SLC6A11: variants seen among roughly 807,000 people sequenced by gnomAD.
The protein encoded by SLC6A11 is solute carrier family 6 member 11.
Under a neutral mutation model 74.8 loss-of-function variants are expected in SLC6A11, and 25 were observed. The observed-to-expected ratio is 0.33, with a 90% confidence interval of 0.24 to 0.47. The LOEUF (loss-of-function observed/expected upper bound fraction) is 0.47, where lower values mean the gene tolerates loss of function less well. Ranked by LOEUF, SLC6A11 falls within the 20% of genes least tolerant of loss-of-function variation. SLC6A11 has a pLI of 1.00. For missense variants in SLC6A11, 574 were observed against 837.0 expected, an observed-to-expected ratio of 0.69 and a Z score of 3.88; for synonymous variants, 330 against 330.2, an observed-to-expected ratio of 1.00 and a Z score of 0.01.
At chr3:10,829,487 G>A (rs1376527922) in intron 4 of SLC6A11, among the ~76,000 whole-genome samples, 1 of 152,190 alleles carries the variant, frequency 6.6e-6, no homozygotes, top group Non-Finnish European at 1.5e-5. Context: ...TGCATGCTGT[G>A]TAGCAACATC....
intron 4 of SLC6A11, chr3:10,823,666 AC>A (rs774722980): frequency 2.8e-6 from 1 of 363,590 alleles, no homozygotes; most frequent in Non-Finnish European, 5.1e-6. Context: ...GAAAGGATAG[AC>A]AGTTTAAAAA....
chr3:10,918,762 C>T lies in SLC6A11; in HGVS notation c.1120+309C>T, dbSNP rs569688151. Among the ~76,000 whole-genome samples, 2 of 152,306 alleles carry T rather than the reference C, an allele frequency of 1.3e-5. No individual in the cohort carries two copies. The highest frequency in any genetic ancestry group is 4.8e-5 in the African/African-American group (2 of 41,550). On this transcript the variant is annotated intron_variant, in intron 8 of 13. Coordinates refer to ENST00000254488, the MANE Select transcript of SLC6A11 (RefSeq NM_014229.3). This position sits in a 1 kb window ranked among gnomAD's most constrained non-coding sequence, Gnocchi z 4.5. The stretch of plus-strand genomic sequence containing the variant: ...ACCATCACTGCTCACCTGGATGGCT[C>T]AGAAACCTTTCCCTGGACTCTGTGC...
chr3:10,919,706 G>A (rs990866024), intron 8 of SLC6A11, among the ~76,000 whole-genome samples: 4 of 152,224 alleles, frequency 2.6e-5, no homozygotes, highest in South Asian at 2.1e-4. Flanking sequence ...CAGAGGATAC[G>A]AGTATGATCA....
chr3:10,935,354 G>GGCCA (rs1695747487), intron 13 of SLC6A11, 155 bp downstream of exon 13: 2 of 662,086 alleles, frequency 3.0e-6, no homozygotes, highest in East Asian at 5.4e-5. Flanking sequence ...CAGTATCATG[G>GGCCA]TTGTGCCCAA....
At chr3:10,902,453 G>A (rs891878034) in intron 6 of SLC6A11, among the ~76,000 whole-genome samples, 2 of 152,228 alleles carry the variant, frequency 1.3e-5, no homozygotes, top group Non-Finnish European at 2.9e-5. Flanking sequence ...TGGAAATGAC[G>A]TGGGTGCTTG....
chr3:10,850,812 G>A (rs2106589453), intron 5 of SLC6A11, among the ~76,000 whole-genome samples: 1 of 152,294 alleles, frequency 6.6e-6, no homozygotes, highest in East Asian at 1.9e-4. Flanking sequence ...CAAGCTGGCT[G>A]TGGCTGCTTG....
intron 5 of SLC6A11, among the ~76,000 whole-genome samples, chr3:10,849,197 C>G (rs1471137418): frequency 6.6e-6 from 1 of 152,160 alleles, no homozygotes; most frequent in Non-Finnish European, 1.5e-5. Context: ...TATATTAAGT[C>G]CTGAGAAAAC....
At chr3:10,904,143 C>G (rs574289822) in intron 6 of SLC6A11, among the ~76,000 whole-genome samples, 2 of 152,320 alleles carry the variant, frequency 1.3e-5, no homozygotes, top group South Asian at 4.1e-4. Context: ...TGCTGAGTAT[C>G]CATCATGATG....
chr3:10,907,141 A>C (rs1695314210), intron 6 of SLC6A11, among the ~76,000 whole-genome samples: 1 of 152,240 alleles, frequency 6.6e-6, no homozygotes, highest in South Asian at 2.1e-4. Context: ...ATAATAAACC[A>C]ATAGACACTA....
chr3:10,886,807 CAAAAAA>C (rs200743729), intron 6 of SLC6A11, among the ~76,000 whole-genome samples: 3 of 101,194 alleles, frequency 3.0e-5, no homozygotes, highest in South Asian at 3.2e-4. Flanking sequence ...GACTCCATCT[CAAAAAA>C]AAAAAAAAAA....
chr3:10,849,794 CAAAAAAAAAA>C (rs56099322), intron 5 of SLC6A11, among the ~76,000 whole-genome samples: 22 of 87,248 alleles, frequency 2.5e-4, no homozygotes, highest in African/African-American at 7.8e-4. Context: ...TTGTTGAAGC[CAAAAAAAAAA>C]AAAAAAAAAA....
chr3:10,845,664 C>G (rs1466388713), intron 5 of SLC6A11, among the ~76,000 whole-genome samples: 1 of 152,110 alleles, frequency 6.6e-6, no homozygotes, highest in Non-Finnish European at 1.5e-5. Flanking sequence ...CCAAGGTGCT[C>G]CATGCTACGG....
chr3:10,835,346 A>T (rs964517414), intron 4 of SLC6A11, among the ~76,000 whole-genome samples: 6 of 152,282 alleles, frequency 3.9e-5, no homozygotes, highest in South Asian at 2.1e-4. Flanking sequence ...CCTTCCCACC[A>T]CGTGGGATCC....
At chr3:10,871,266 A>G (rs1458121606) in intron 5 of SLC6A11, among the ~76,000 whole-genome samples, 1 of 152,204 alleles carries the variant, frequency 6.6e-6, no homozygotes, top group Non-Finnish European at 1.5e-5. Context: ...TAATCACATC[A>G]AAGTGGCCCC....
At chr3:10,897,307 A>G (rs1575693756) in intron 6 of SLC6A11, among the ~76,000 whole-genome samples, 2 of 152,316 alleles carry the variant, frequency 1.3e-5, no homozygotes, top group South Asian at 2.1e-4. Context: ...ACAGTCCCCC[A>G]AAGTCTTATT....
In SLC6A11 at chr3:10,816,261, C is replaced by G; in HGVS notation, c.-5C>G. ...GGGCCGGCGCACGAGGCAGCCAGCG[C>G]GGCCATGACGGCGGAGAAGGCGCTG... On this transcript the variant is annotated 5_prime_UTR_variant, in exon 1 of 14. Coordinates refer to ENST00000254488, the MANE Select transcript of SLC6A11 (RefSeq NM_014229.3). This position sits in a 1 kb window ranked among gnomAD's most constrained non-coding sequence, Gnocchi z 4.2. 7.5e-7 allele frequency: 1 copy of G among 1,325,630 alleles called. No homozygotes were observed. Among genetic ancestry groups the G allele is most frequent in the Non-Finnish European group, 9.6e-7 (1 of 1,039,932 alleles). The allele number at this position is 1,325,630 out of a possible 1,614,324, so 82.1% of individuals were successfully genotyped here.
intron 11 of SLC6A11, among the ~76,000 whole-genome samples, chr3:10,933,608 C>A (rs776539928): frequency 1.1e-4 from 17 of 152,208 alleles, no homozygotes; most frequent in Non-Finnish European, 2.4e-4. Flanking sequence ...AGACAACCAC[C>A]TCAGGTCCTC....
Position 10,935,164 on chromosome 3 carries a change from A to G in SLC6A11, c.1711A>G (p.Ile571Val), listed in dbSNP as rs761618030. The G allele has an allele frequency of 2.5e-6, 4 of 1,614,226 alleles. No individual in the cohort carries two copies. Among genetic ancestry groups the G allele is most frequent in the East Asian group, 2.2e-5 (1 of 44,886 alleles). The change falls in exon 13 of 14, where the codon ATC becomes GTC. Residue 571 changes from isoleucine to valine, a missense_variant. This residue lies in a region of SLC6A11 where 257 missense variants were observed against 341.5 expected (regional missense o/e 0.75). Transcript: ENST00000254488. Reference protein sequence around the residue: ...SMLCIPLWICITVWKTEGTLP... With the variant: ...SMLCIPLWICVTVWKTEGTLP... ...GCTCTGCATCCCGCTCTGGATCTGC[A>G]TCACAGTGTGGAAGACGGAGGGGAC...
chr3:10,856,518 G>T (rs78972437), intron 5 of SLC6A11, among the ~76,000 whole-genome samples: 1 of 152,162 alleles, frequency 6.6e-6, no homozygotes, highest in Non-Finnish European at 1.5e-5. Context: ...AGATATTGAG[G>T]CCCAGAGAGG....
Sources: allele counts gnomAD v4.1 joint callset (sites outside exome capture counted in the v4.1 genomes callset), GRCh38; gene constraint gnomAD v4.1.1; regional missense constraint gnomAD v4.1.1; non-coding constraint Gnocchi (gnomAD v3.1); transcripts MANE v1.5; gene names NCBI Gene and HGNC (gene_info 2026-07-23, HGNC 2026-07-21).